Variants in FMN1 observed in about 807,000 individuals in gnomAD.
FMN1 encodes the protein formin-1.
FMN1 carries 110 observed loss-of-function variants against 132.4 expected under a neutral mutation model. The ratio of observed to expected loss-of-function variants is 0.83; its 90% CI spans 0.71 to 0.97. FMN1 has a LOEUF of 0.97. Among genes scored for constraint, FMN1 ranks in the 50% least tolerant of loss-of-function variants. The probability of loss-of-function intolerance (pLI) is 0.00; values close to 1 mark genes in which losing one functional copy is unlikely to be tolerated. For missense variants in FMN1, 1,792 were observed against 1,705.3 expected (o/e 1.05, Z -0.90); for synonymous variants, 722 against 651.7 (o/e 1.11, Z -1.64).
chr15:33,119,510 C>A (rs898424664), intron 4 of FMN1, among the ~76,000 whole-genome samples: 2 of 152,194 alleles, frequency 1.3e-5, no homozygotes, highest in African/African-American at 4.8e-5. Context: ...AGTCCACCGT[C>A]CGTACGCTCA....
chr15:33,047,597 A>T (rs978179375), intron 6 of FMN1, among the ~76,000 whole-genome samples: 2 of 152,100 alleles, frequency 1.3e-5, no homozygotes, highest in Non-Finnish European at 2.9e-5. Flanking sequence ...AAGCAAATAG[A>T]TCCCTCTCGA....
chr15:33,186,200 C>G (rs181665689), intron 2 of FMN1, among the ~76,000 whole-genome samples: 50 of 151,632 alleles, frequency 3.3e-4, no homozygotes, highest in Non-Finnish European at 6.6e-4. Flanking sequence ...CTCTCCTTTT[C>G]TAAGTCAAAA....
chr15:32,934,735 T>C (rs1397496208), intron 9 of FMN1, among the ~76,000 whole-genome samples: 2 of 151,138 alleles, frequency 1.3e-5, no homozygotes, highest in Non-Finnish European at 1.5e-5. Context: ...GCCTCCCAAG[T>C]AGCTGAGATT....
chr15:32,895,802 CATT>C (rs1329525425), intron 15 of FMN1, among the ~76,000 whole-genome samples: 1 of 151,908 alleles, frequency 6.6e-6, no homozygotes, highest in Non-Finnish European at 1.5e-5. Flanking sequence ...TTTACCAGTA[CATT>C]ATTTTGAATT....
intron 17 of FMN1, among the ~76,000 whole-genome samples, chr15:32,843,278 C>G (rs2058786624): frequency 6.6e-6 from 1 of 152,072 alleles, no homozygotes; most frequent in South Asian, 2.1e-4. Flanking sequence ...CAAAACCCAC[C>G]CCTTGAATCT....
In FMN1 at chr15:32,959,299, T is replaced by C. The variant is rs2030227803; in HGVS notation, c.3138+4808A>G. Reference sequence around the variant, plus strand: ...CTGCTCACCACCTCTAAAACCACTTTCATTTTCAAGAGGAAAGAAAACAAA... The same window carrying C: ...CTGCTCACCACCTCTAAAACCACTTCCATTTTCAAGAGGAAAGAAAACAAA... On this transcript the variant is annotated intron_variant, in intron 9 of 20. Coordinates refer to ENST00000616417, the MANE Select transcript of FMN1 (RefSeq NM_001277313.2). 2.0e-5 allele frequency among the ~76,000 whole-genome samples: 3 copies of C among 152,118 alleles called. No homozygotes were observed. In the South Asian group the frequency reaches 6.2e-4, roughly 32 times the overall value.
At position 32,926,272 on chromosome 15, in the gene FMN1, A is replaced by T. The variant is rs761239009; in HGVS notation, c.3139-11T>A. ...CAACAATTTGATGATCTAAAATTAG[A>T]AAAAAAAAAAAAAGAATACAAGCTC... On this transcript the variant is annotated splice_polypyrimidine_tract_variant and intron_variant, in intron 9 of 20. Transcript: ENST00000616417. 4 of 425,496 alleles carry T rather than the reference A, an allele frequency of 9.4e-6. No individual in the cohort carries two copies. Among genetic ancestry groups the T allele is most frequent in the Non-Finnish European group, 1.3e-5 (4 of 310,234 alleles). The allele number at this position is 425,496 out of a possible 1,614,324, so 26.4% of individuals were successfully genotyped here. A position where few individuals can be genotyped will look rare whatever the true frequency, so the allele number is the denominator to read the frequency against.
rs190282996 is a variant in FMN1 at position 33,141,380 on chromosome 15, C to A, written c.1867+11668G>T. Among the ~76,000 whole-genome samples, 493 of 152,250 alleles carry A rather than the reference C, an allele frequency of 3.2e-3. 3 individuals carry two copies. Among genetic ancestry groups the A allele is most frequent in the African/African-American group, 0.011 (459 of 41,548 alleles). ...CCATAGGGATAACTAATTGTCCTAG[C>A]ATCATTCATCAAATAATTTATCCTC... On this transcript the variant is annotated intron_variant, in intron 4 of 20. Coordinates refer to ENST00000616417, the MANE Select transcript of FMN1 (RefSeq NM_001277313.2).
At chr15:32,903,936 G>C (rs1035606012) in intron 12 of FMN1, among the ~76,000 whole-genome samples, 1 of 152,240 alleles carries the variant, frequency 6.6e-6, no homozygotes. Context: ...AGAGTTGGAG[G>C]GGGGAGAAAA....
chr15:32,870,909 A>G (rs1281989861), intron 16 of FMN1, among the ~76,000 whole-genome samples: 1 of 152,190 alleles, frequency 6.6e-6, no homozygotes. Context: ...GAAAAAGAAA[A>G]CATTGTCAAG....
At position 32,857,073 on chromosome 15, in the gene FMN1, C is replaced by A. The variant is rs1294351457; in HGVS notation, c.3870G>T (p.Glu1290Asp). 3 of 1,613,734 alleles carry A rather than the reference C, an allele frequency of 1.9e-6. No individual in the cohort carries two copies. The African/African-American group carries it at 4.0e-5, about 22-fold the overall frequency. ...AAGGCTGGAGATACTCCTTTGGGGA[C>A]TCCTTGCACACCACCACCATCTGTT... The part of the protein sequence containing the change: ...SEKQMVVVCK[E>D]SPKEYLQPFK... Residue 1290 changes from glutamate to aspartate, a missense_variant, in exon 17 of 21, where the codon GAG becomes GAT. Around this residue, in one of 3 missense-constraint regions of FMN1, gnomAD observed 1,150 missense variants for 1,043.1 expected, o/e 1.10. Transcript: ENST00000616417.
At chr15:32,826,058 C>G (rs7167969) in intron 17 of FMN1, among the ~76,000 whole-genome samples, 2 of 152,164 alleles carry the variant, frequency 1.3e-5, no homozygotes, top group Non-Finnish European at 2.9e-5. Context: ...TAACAAAACT[C>G]GAATGATGGA....
At chr15:33,155,824 C>T (rs1282360634) in intron 3 of FMN1, among the ~76,000 whole-genome samples, 1 of 152,128 alleles carries the variant, frequency 6.6e-6, no homozygotes, top group East Asian at 1.9e-4. Context: ...TGAAATGTCA[C>T]ATAATTAGTG....
intron 16 of FMN1, among the ~76,000 whole-genome samples, chr15:32,865,594 T>C (rs2059373173): frequency 6.6e-6 from 1 of 152,200 alleles, no homozygotes; most frequent in Non-Finnish European, 1.5e-5. Context: ...CCCAGCACTT[T>C]GGGAGGACAA....
At chr15:33,073,569 G>C (rs529424934) in intron 5 of FMN1, among the ~76,000 whole-genome samples, 1 of 152,262 alleles carries the variant, frequency 6.6e-6, no homozygotes, top group African/African-American at 2.4e-5. Context: ...TCTTGAACAA[G>C]AGGGGAGAGC....
chr15:33,018,912 G>C (rs113654144), intron 6 of FMN1, among the ~76,000 whole-genome samples: 1 of 152,142 alleles, frequency 6.6e-6, no homozygotes, highest in Non-Finnish European at 1.5e-5. Flanking sequence ...ACTGGCTCAG[G>C]AGTGAAGCTG....
intron 4 of FMN1, among the ~76,000 whole-genome samples, chr15:33,146,019 A>T (rs1964205074): frequency 1.3e-5 from 2 of 148,618 alleles, no homozygotes; most frequent in Admixed American, 1.4e-4. Flanking sequence ...TTTGTCACCC[A>T]GGCTGGAGTT....
intron 4 of FMN1, chr15:33,151,049 GA>G: frequency 8.3e-7 from 1 of 1,211,268 alleles, no homozygotes; most frequent in Non-Finnish European, 1.0e-6. Context: ...GGGAGTCACT[GA>G]AGGGTTCAGA....
chr15:33,026,271 G>C (rs1036322018), intron 6 of FMN1, among the ~76,000 whole-genome samples: 5 of 151,990 alleles, frequency 3.3e-5, no homozygotes, highest in Non-Finnish European at 7.4e-5. Context: ...CTCAACACTG[G>C]TTTTAAAAAT....
Sources: gnomAD v4.1 joint callset for allele counts (sites outside exome capture counted in the v4.1 genomes callset) on GRCh38, gnomAD v4.1.1 for gene constraint, gnomAD v4.1.1 regional missense constraint, MANE v1.5 for transcripts, NCBI Gene and HGNC (gene_info 2026-07-23, HGNC 2026-07-21) for gene names.